Variants in LARGE1 observed in about 807,000 individuals in gnomAD.
The protein encoded by LARGE1 is LARGE xylosyl- and glucuronyltransferase 1, also known as xylosyl- and glucuronyltransferase LARGE1.
LARGE1 carries 43 observed loss-of-function variants against 87.6 expected under a neutral mutation model. The observed-to-expected ratio is 0.49, with a 90% CI of 0.38 to 0.63. The LOEUF (loss-of-function observed/expected upper bound fraction) is 0.63, where lower values mean the gene tolerates loss of function less well. Among genes scored for constraint, LARGE1 ranks in the 30% least tolerant of loss-of-function variants. LARGE1 has a pLI of 0.00. For missense variants in LARGE1, 802 were observed against 1,000.2 expected (o/e 0.80, Z 2.67); for synonymous variants, 434 against 394.6 (o/e 1.10, Z -1.18).
At chr22:33,681,111 T>C (rs1316014067) in intron 2 of LARGE1, among the ~76,000 whole-genome samples, 2 of 152,268 alleles carry the variant, frequency 1.3e-5, no homozygotes, top group Non-Finnish European at 2.9e-5. Context: ...CACTTTATTA[T>C]TTATATTGCT....
At chr22:33,271,389 T>C (rs1049624810), downstream of LARGE1, among the ~76,000 whole-genome samples, 1 of 150,778 alleles carries the variant, frequency 6.6e-6, no homozygotes, top group Non-Finnish European at 1.5e-5. Context: ...GTTCCCCAAG[T>C]AGAAATGTTA....
intron 6 of LARGE1, among the ~76,000 whole-genome samples, chr22:33,520,209 G>T (rs926051925): frequency 1.3e-5 from 2 of 151,672 alleles, no homozygotes; most frequent in African/African-American, 2.4e-5. Flanking sequence ...CCTGAAATGG[G>T]GACTACAGAC....
chr22:33,387,525 T>TGGG (rs57007465), intron 7 of LARGE1, among the ~76,000 whole-genome samples: 6,432 of 109,138 alleles, frequency 0.059, 315 homozygotes, highest in South Asian at 0.13. Flanking sequence ...TATTAAAAAA[T>TGGG]GGGGGGGGGG....
At chr22:33,156,929 G>C in the LARGE1 span, among the ~76,000 whole-genome samples, 1 of 152,136 alleles carries the variant, frequency 6.6e-6, no homozygotes, top group Non-Finnish European at 1.5e-5. Context: ...TACGAGATCT[G>C]ATGGTTTTAA....
At chr22:33,448,471 T>C (rs910167825) in intron 6 of LARGE1, among the ~76,000 whole-genome samples, 1 of 152,226 alleles carries the variant, frequency 6.6e-6, no homozygotes, top group African/African-American at 2.4e-5. Context: ...TATTCTCACA[T>C]AGTTTATCCT....
chr22:33,218,019 T>C (rs1398504501), intron 11 of LARGE1, among the ~76,000 whole-genome samples: 1 of 152,034 alleles, frequency 6.6e-6, no homozygotes, highest in African/African-American at 2.4e-5. Flanking sequence ...AGCCTCTGCC[T>C]CCCAGGTTCA....
intron 11 of LARGE1, among the ~76,000 whole-genome samples, chr22:33,219,787 G>T (rs1322951205): frequency 6.6e-6 from 1 of 152,122 alleles, no homozygotes; most frequent in South Asian, 2.1e-4. Context: ...GAACTCAGAC[G>T]CCATGCCTGG....
chr22:33,559,203 C>T (rs948690934), intron 6 of LARGE1, among the ~76,000 whole-genome samples: 12 of 151,992 alleles, frequency 7.9e-5, no homozygotes, highest in East Asian at 3.9e-4. Context: ...TTTTTTGAGA[C>T]GCAGTCTTGC....
chr22:33,866,903 C>G (rs1046760213), intron 1 of LARGE1, among the ~76,000 whole-genome samples: 2 of 152,136 alleles, frequency 1.3e-5, no homozygotes, highest in Non-Finnish European at 2.9e-5. Context: ...AAGGCCTTGC[C>G]CTCATGGAGC....
intron 11 of LARGE1, among the ~76,000 whole-genome samples, chr22:33,216,810 A>G (rs1925227867): frequency 6.6e-6 from 1 of 152,182 alleles, no homozygotes; most frequent in African/African-American, 2.4e-5. Context: ...GCCCTCAGGC[A>G]GAAAAGAAGA....
intron 3 of LARGE1, among the ~76,000 whole-genome samples, chr22:33,635,843 T>C (rs776402730): frequency 1.2e-4 from 18 of 152,200 alleles, no homozygotes; most frequent in Non-Finnish European, 1.9e-4. Flanking sequence ...ATCTGTCCAC[T>C]CTAAATGCTG....
At chr22:33,413,147 A>G (rs547602527) in intron 7 of LARGE1, among the ~76,000 whole-genome samples, 114 of 151,628 alleles carry the variant, frequency 7.5e-4, no homozygotes, top group Non-Finnish European at 1.5e-3. Context: ...GTCTAAAATA[A>G]AAAAAAAATC....
intron 6 of LARGE1, among the ~76,000 whole-genome samples, chr22:33,453,332 T>G (rs1473540476): frequency 6.6e-6 from 1 of 152,056 alleles, no homozygotes; most frequent in Non-Finnish European, 1.5e-5. Context: ...GGAGAATCGC[T>G]TGAACCTGGG....
rs550020653 is a variant in LARGE1, at chr22:33,386,522, T to C, written c.893-2218A>G. Among the ~76,000 whole-genome samples the C allele has an allele frequency of 9.5e-5, 14 of 147,966 alleles. 1 individual carries two copies. In the South Asian group the frequency reaches 3.1e-3, roughly 32 times the overall value. On this transcript the variant is annotated intron_variant, in intron 7 of 14. Transcript: ENST00000397394. ...TGGTAATGTTTAACCATCAGCTCTC[T>C]GGGGGAAAAAAACGGCCGGATTTGT...
At chr22:33,788,331 C>T (rs2085717368) in intron 1 of LARGE1, among the ~76,000 whole-genome samples, 1 of 152,162 alleles carries the variant, frequency 6.6e-6, no homozygotes, top group African/African-American at 2.4e-5. Flanking sequence ...AACTGTGAGT[C>T]CATTAAACTT....
At chr22:33,526,950 G>T (rs534554795) in intron 6 of LARGE1, among the ~76,000 whole-genome samples, 1 of 152,258 alleles carries the variant, frequency 6.6e-6, no homozygotes, top group South Asian at 2.1e-4. Flanking sequence ...CGTTACCACG[G>T]GAGTTGCTTA....
chr22:33,403,634 G>A (rs997728456), intron 7 of LARGE1, among the ~76,000 whole-genome samples: 82 of 151,356 alleles, frequency 5.4e-4, no homozygotes, highest in African/African-American at 1.7e-3. Context: ...ACGGAGTTTC[G>A]TCCTTGTCAC....
At chr22:33,581,673 G>A (rs1248346692) in intron 5 of LARGE1, among the ~76,000 whole-genome samples, 2 of 151,960 alleles carry the variant, frequency 1.3e-5, no homozygotes, top group Non-Finnish European at 2.9e-5. Flanking sequence ...TTAGCCGGGG[G>A]TGGTGGCACG....
chr22:33,871,640 A>G (rs1320150489), intron 1 of LARGE1, among the ~76,000 whole-genome samples: 1 of 152,004 alleles, frequency 6.6e-6, no homozygotes, highest in African/African-American at 2.4e-5. Context: ...CACCACTACT[A>G]CCAACCTCCT....
Sources: allele counts gnomAD v4.1 joint callset (sites outside exome capture counted in the v4.1 genomes callset), GRCh38; gene constraint gnomAD v4.1.1; transcripts MANE v1.5; gene names NCBI Gene and HGNC (gene_info 2026-07-23, HGNC 2026-07-21).